Variants in RALGPS1 observed in about 807,000 individuals in gnomAD.
The protein encoded by RALGPS1 is ras-specific guanine nucleotide-releasing factor RalGPS1.
RALGPS1 carries 19 observed loss-of-function variants against 78.8 expected under a neutral mutation model. That is an observed-to-expected ratio of 0.24 (90% CI 0.17 to 0.35). RALGPS1 has a LOEUF of 0.35. RALGPS1 is among the 10% of genes least tolerant of loss of function. The pLI, the probability that RALGPS1 is intolerant of heterozygous loss-of-function variation, is 1.00. For synonymous variants in RALGPS1, 228 were observed against 256.3 expected (o/e 0.89, Z 1.06); for missense variants, 454 against 688.3 (o/e 0.66, Z 3.81).
At chr9:127,181,786 C>G (rs776479376) in intron 11 of RALGPS1, among the ~76,000 whole-genome samples, 1 of 151,846 alleles carries the variant, frequency 6.6e-6, no homozygotes, top group Non-Finnish European at 1.5e-5. Context: ...AGGATACAGT[C>G]GTAATTGGAG....
intron 1 of RALGPS1, among the ~76,000 whole-genome samples, chr9:126,932,955 T>C (rs1324417612): frequency 6.6e-6 from 1 of 151,940 alleles, no homozygotes; most frequent in African/African-American, 2.4e-5. Context: ...GTGAGCTTCA[T>C]GCTATTCAGT....
At chr9:127,056,269 C>T (rs546378081) in intron 7 of RALGPS1, among the ~76,000 whole-genome samples, 6 of 152,324 alleles carry the variant, frequency 3.9e-5, no homozygotes, top group African/African-American at 1.2e-4. Context: ...AGCCAGGGCT[C>T]TTTCCCTGGT....
At chr9:127,190,388 ATAT>A (rs1448329539) in intron 11 of RALGPS1, among the ~76,000 whole-genome samples, 1 of 152,118 alleles carries the variant, frequency 6.6e-6, no homozygotes, top group African/African-American at 2.4e-5. Context: ...CAGTGGCATG[ATAT>A]CAGCTTACTG....
At chr9:127,080,512 T>C (rs952960295) in intron 8 of RALGPS1, among the ~76,000 whole-genome samples, 7 of 152,206 alleles carry the variant, frequency 4.6e-5, no homozygotes, top group Admixed American at 3.9e-4. Context: ...CATATGATAT[T>C]GTGCTTTTTA....
chr9:126,933,818 G>T (rs2036019688), intron 1 of RALGPS1, among the ~76,000 whole-genome samples: 1 of 152,070 alleles, frequency 6.6e-6, no homozygotes, highest in Admixed American at 6.5e-5. Context: ...TGTGCCTGCA[G>T]GGGGGGTGTG....
At chr9:127,078,666 G>A (rs1225281637) in intron 8 of RALGPS1, among the ~76,000 whole-genome samples, 2 of 152,230 alleles carry the variant, frequency 1.3e-5, no homozygotes, top group Admixed American at 1.3e-4. Context: ...GGGGCAAAGG[G>A]AGGATCTGCA....
chr9:127,028,138 G>T (rs921140318), intron 4 of RALGPS1, among the ~76,000 whole-genome samples: 2 of 152,218 alleles, frequency 1.3e-5, no homozygotes, highest in Admixed American at 1.3e-4. Context: ...CCCCATTCTG[G>T]CTATGGCAGC....
chr9:127,213,630 C>T (rs1418022364), intron 17 of RALGPS1, among the ~76,000 whole-genome samples: 1 of 152,194 alleles, frequency 6.6e-6, no homozygotes, highest in East Asian at 1.9e-4. Flanking sequence ...TGGTGGGTCT[C>T]CTCAGTAACC....
rs546974604 is a variant in RALGPS1, at chr9:127,211,317, C to T, written c.1248-814C>T. On this transcript the variant is annotated intron_variant, in intron 14 of 18. Coordinates refer to ENST00000259351, the MANE Select transcript of RALGPS1 (RefSeq NM_014636.3). The surrounding 1 kb of genome is among the most constrained non-coding windows in gnomAD (Gnocchi z 5.0). ...GGTGGAGGCACTGGCCGGTGTGGAC[C>T]CAGGAAGGCCCGTGGAGCGCACTGG... 2.6e-3 allele frequency among the ~76,000 whole-genome samples: 403 copies of T among 152,210 alleles called. 1 individual carries two copies. Among genetic ancestry groups the T allele is most frequent in the Middle Eastern group, 6.8e-3 (2 of 294 alleles).
At chr9:127,078,478 G>A (rs2136079615) in intron 8 of RALGPS1, among the ~76,000 whole-genome samples, 1 of 152,286 alleles carries the variant, frequency 6.6e-6, no homozygotes, top group South Asian at 2.1e-4. Context: ...CATGCTTACT[G>A]CTGAGGTTCC....
chr9:127,014,462 AT>A (rs2044634243), intron 4 of RALGPS1, among the ~76,000 whole-genome samples: 1 of 152,180 alleles, frequency 6.6e-6, no homozygotes, highest in African/African-American at 2.4e-5. Context: ...AAATTCTGGC[AT>A]TGTTTCCAGG....
chr9:127,114,093 A>G (rs1427068793), intron 8 of RALGPS1, among the ~76,000 whole-genome samples: 1 of 152,214 alleles, frequency 6.6e-6, no homozygotes, highest in Non-Finnish European at 1.5e-5. Context: ...TATATACATT[A>G]TCTCACTTAA....
At chr9:127,076,438 C>G (rs181314083) in intron 8 of RALGPS1, among the ~76,000 whole-genome samples, 118 of 152,284 alleles carry the variant, frequency 7.7e-4, no homozygotes, top group African/African-American at 2.7e-3. Flanking sequence ...TGGAGACATT[C>G]TTAGTAAATT....
chr9:127,193,965 G>T lies in RALGPS1; in HGVS notation c.911-1126G>T, dbSNP rs373777322. ...ACTAAAGAGTGCCACAGTGGCCAGG[G>T]TCACATTCCTCCAGACATGGCTGAA... On this transcript the variant is annotated intron_variant, in intron 11 of 18. Coordinates refer to ENST00000259351, the MANE Select transcript of RALGPS1 (RefSeq NM_014636.3). Among the ~76,000 whole-genome samples the T allele has an allele frequency of 1.2e-3, 189 of 152,298 alleles. 4 individuals are homozygous for T. The South Asian group carries it at 0.039, about 31-fold the overall frequency.
chr9:126,917,070 C>T (rs1373694430), intron 1 of RALGPS1, among the ~76,000 whole-genome samples: 1 of 151,900 alleles, frequency 6.6e-6, no homozygotes, highest in African/African-American at 2.4e-5. Context: ...ACTGTAGAAG[C>T]TGTGGGACTT....
At chr9:127,098,468 A>T (rs934350971) in intron 8 of RALGPS1, among the ~76,000 whole-genome samples, 2 of 152,192 alleles carry the variant, frequency 1.3e-5, no homozygotes, top group Non-Finnish European at 2.9e-5. Context: ...GTGAAGAGAA[A>T]TGCAGCCCCG....
intron 5 of RALGPS1, among the ~76,000 whole-genome samples, chr9:127,044,908 A>G (rs565047554): frequency 6.6e-6 from 1 of 152,348 alleles, no homozygotes; most frequent in South Asian, 2.1e-4. Context: ...TTACAAAGCA[A>G]AGAAAATGTT....
intron 7 of RALGPS1, among the ~76,000 whole-genome samples, chr9:127,059,904 C>T (rs2049055865): frequency 6.6e-6 from 1 of 152,108 alleles, no homozygotes; most frequent in African/African-American, 2.4e-5. Flanking sequence ...CTCCCAGTCT[C>T]CTGCTTCAAA....
At chr9:127,111,339 G>T (rs867286351) in intron 8 of RALGPS1, among the ~76,000 whole-genome samples, 1 of 152,150 alleles carries the variant, frequency 6.6e-6, no homozygotes, top group Admixed American at 6.5e-5. Context: ...TAAGATACAC[G>T]CTGTCTCCTC....
Sources: gnomAD v4.1 joint callset for allele counts (sites outside exome capture counted in the v4.1 genomes callset) on GRCh38, gnomAD v4.1.1 for gene constraint, Gnocchi (gnomAD v3.1) non-coding constraint, MANE v1.5 for transcripts, NCBI Gene and HGNC (gene_info 2026-07-23, HGNC 2026-07-21) for gene names.